The following PDZD2 variants were observed in gnomAD, a reference collection of about 807,000 sequenced individuals.
PDZD2 encodes PDZ domain containing 2.
Under a neutral mutation model 220.7 loss-of-function variants are expected in PDZD2, and 90 were observed. The observed-to-expected ratio is 0.41, with a 90% CI of 0.34 to 0.49. The LOEUF is 0.49. Among genes scored for constraint, PDZD2 ranks in the 20% least tolerant of loss-of-function variants. The probability of loss-of-function intolerance (pLI) is 0.28; values close to 1 mark genes in which losing one functional copy is unlikely to be tolerated. For synonymous variants in PDZD2, 1,375 were observed against 1,450.5 expected, an observed-to-expected ratio of 0.95 and a Z score of 1.18; for missense variants, 3,174 against 3,608.5, an observed-to-expected ratio of 0.88 and a Z score of 3.08.
chr5:32,094,720 A>G lies in PDZD2; in HGVS notation c.7845+1696A>G, dbSNP rs563903938. On this transcript the variant is annotated intron_variant, in intron 21 of 24. Coordinates refer to ENST00000438447, the MANE Select transcript of PDZD2 (RefSeq NM_178140.4). ...CTCAAAAAAAAAAAAAAAAGATTAA[A>G]TTTAAAAAATTAGCCAGGCGTGGTG... is the stretch of plus-strand genomic sequence containing the variant. Among the ~76,000 whole-genome samples, 489 of 152,004 alleles carry G rather than the reference A, an allele frequency of 3.2e-3. 3 individuals carry two copies. Among genetic ancestry groups the G allele is most frequent in the Non-Finnish European group, 4.9e-3 (332 of 67,978 alleles).
intron 1 of PDZD2, among the ~76,000 whole-genome samples, chr5:31,777,294 G>A (rs561692247): frequency 6.0e-4 from 91 of 152,312 alleles, no homozygotes; most frequent in East Asian, 2.5e-3. Context: ...CTGCTGGCCC[G>A]CCCGCACTGT....
chr5:31,746,197 A>C (rs1389716931), intron 1 of PDZD2, among the ~76,000 whole-genome samples: 1 of 152,224 alleles, frequency 6.6e-6, no homozygotes, highest in Non-Finnish European at 1.5e-5. Flanking sequence ...GCCCAGGTTC[A>C]ACCAGGGCAG....
intron 2 of PDZD2, among the ~76,000 whole-genome samples, chr5:31,833,789 T>C (rs1289501867): frequency 2.0e-5 from 3 of 152,252 alleles, no homozygotes; most frequent in Non-Finnish European, 4.4e-5. Context: ...TGAGACAATC[T>C]GGTGACAACC....
Position 31,995,581 on chromosome 5 carries a change from A to G in PDZD2, c.984A>G (p.Glu328=). Residue 328 remains glutamate, a synonymous_variant, in exon 4 of 25, where the codon GAA becomes GAG. Coordinates refer to ENST00000438447, the MANE Select transcript of PDZD2 (RefSeq NM_178140.4). ...FQSSDCLARE[E]VGRIWKMELL... ...TGCTCACTTTTTCTTCCAAGGAGGA[A>G]GTTGGCCGAATATGGAAGATGGAGC... The G allele has an allele frequency of 6.2e-7, 1 of 1,614,044 alleles. No homozygotes were observed. The highest frequency in any genetic ancestry group is 1.7e-5 in the Admixed American group (1 of 60,004).
intron 2 of PDZD2, among the ~76,000 whole-genome samples, chr5:31,925,345 CA>C (rs371684713): frequency 1.3e-5 from 2 of 148,410 alleles, no homozygotes; most frequent in African/African-American, 2.5e-5. Context: ...ACAAAGTTAA[CA>C]AAAAAAAAAT....
intron 1 of PDZD2, among the ~76,000 whole-genome samples, chr5:31,674,424 T>C (rs1364559615): frequency 6.6e-6 from 1 of 152,222 alleles, no homozygotes; most frequent in East Asian, 1.9e-4. Context: ...TTCTCAATGA[T>C]ATTTATTTAG....
intron 2 of PDZD2, among the ~76,000 whole-genome samples, chr5:31,978,727 A>AAAAAAAAAAAC (rs1491015232): frequency 7.0e-6 from 1 of 143,510 alleles, no homozygotes; most frequent in Non-Finnish European, 1.5e-5. Flanking sequence ...AAAAAAAAAA[A>AAAAAAAAAAAC]AGAATTCTAA....
At chr5:31,909,484 T>A (rs1413185206) in intron 2 of PDZD2, among the ~76,000 whole-genome samples, 1 of 152,172 alleles carries the variant, frequency 6.6e-6, no homozygotes, top group Non-Finnish European at 1.5e-5. Context: ...TTGAATTTTC[T>A]ACGCTGATTA....
chr5:31,810,387 C>T (rs59207281), intron 2 of PDZD2, among the ~76,000 whole-genome samples: 6 of 82,720 alleles, frequency 7.3e-5, no homozygotes, highest in South Asian at 4.5e-4. Context: ...CTCAGCCTCC[C>T]GAGTAGCTGG....
intron 2 of PDZD2, among the ~76,000 whole-genome samples, chr5:31,941,912 G>T (rs1746245291): frequency 6.6e-6 from 1 of 152,212 alleles, no homozygotes; most frequent in South Asian, 2.1e-4. Flanking sequence ...TCAAAATGGG[G>T]ATAGAATCTG....
At chr5:32,107,878 T>C in intron 24 of PDZD2, 91 bp from the exon 25 acceptor site, 1 of 720,128 alleles carries the variant, frequency 1.4e-6, no homozygotes, top group Non-Finnish European at 2.3e-6. Flanking sequence ...TATTTAGATA[T>C]TTTTATCACT....
Position 32,053,782 on chromosome 5 carries a change from G to A in PDZD2, c.1799G>A (p.Ser600Asn). ...YKEKGKGLGF[S>N]IAGGRDCIRG... ...CTTCGGATCTAGGGCCTTGGCTTTAGTATTGCTGGAGGTCGAGACTGCATT... is the reference window on the plus strand; with the variant it reads ...CTTCGGATCTAGGGCCTTGGCTTTAATATTGCTGGAGGTCGAGACTGCATT... The change falls in exon 10 of 25, where the codon AGT (serine) becomes AAT (asparagine). Residue 600 changes from serine (S) to asparagine (N), a missense_variant. Coordinates refer to ENST00000438447, the MANE Select transcript of PDZD2 (RefSeq NM_178140.4). The A allele has an allele frequency of 6.2e-7, 1 of 1,608,192 alleles. No homozygotes were observed. The highest frequency in any genetic ancestry group is 8.5e-7 in the Non-Finnish European group (1 of 1,174,600).
chr5:31,960,872 G>T (rs2111694039), intron 2 of PDZD2, among the ~76,000 whole-genome samples: 1 of 151,878 alleles, frequency 6.6e-6, no homozygotes, highest in East Asian at 1.9e-4. Context: ...GTATAATTTT[G>T]TTAACAAATG....
At chr5:31,820,927 T>A (rs1755798438) in intron 2 of PDZD2, among the ~76,000 whole-genome samples, 1 of 152,106 alleles carries the variant, frequency 6.6e-6, no homozygotes. Context: ...ATTTTTTTTT[T>A]TCTATTTTAT....
chr5:31,868,922 G>A (rs1008101377), intron 2 of PDZD2, among the ~76,000 whole-genome samples: 10 of 152,042 alleles, frequency 6.6e-5, no homozygotes, highest in African/African-American at 9.7e-5. Context: ...ACAGGCGTGC[G>A]CCACCACTCC....
At chr5:31,767,181 G>A (rs1173358170) in intron 1 of PDZD2, among the ~76,000 whole-genome samples, 14 of 151,574 alleles carry the variant, frequency 9.2e-5, no homozygotes, top group South Asian at 2.1e-4. Flanking sequence ...ACAGGTGCCC[G>A]CCACCATGCC....
At chr5:32,013,111 G>A (rs1581274610) in intron 6 of PDZD2, among the ~76,000 whole-genome samples, 1 of 151,864 alleles carries the variant, frequency 6.6e-6, no homozygotes, top group Non-Finnish European at 1.5e-5. Context: ...ATATTAACAT[G>A]CTTATGAAAC....
At chr5:31,942,968 C>T (rs180762901) in intron 2 of PDZD2, among the ~76,000 whole-genome samples, 9 of 152,250 alleles carry the variant, frequency 5.9e-5, no homozygotes, top group African/African-American at 1.9e-4. Context: ...TTTGGGAGCC[C>T]AAGGCGGGTG....
Position 32,089,211 on chromosome 5 carries a change from G to C in PDZD2, c.5763G>C (p.Gln1921His), listed in dbSNP as rs1158358863. 5 of 1,614,118 alleles carry C rather than the reference G, an allele frequency of 3.1e-6. No individual in the cohort carries two copies. The highest frequency in any genetic ancestry group is 1.1e-5 in the South Asian group (1 of 91,074). Residue 1921 changes from glutamine to histidine, a missense_variant, in exon 20 of 25, where the codon CAG becomes CAC. Coordinates refer to ENST00000438447, the MANE Select transcript of PDZD2 (RefSeq NM_178140.4). ...ACAGGAAACCCTTGATCTCACCCCA[G>C]ACCTCCCACAAAACACTTTCTAAGG... ...TDHRKPLISP[Q>H]TSHKTLSKAV... is the part of the protein sequence containing the mutation.
Sources: allele counts gnomAD v4.1 joint callset (sites outside exome capture counted in the v4.1 genomes callset), GRCh38; gene constraint gnomAD v4.1.1; transcripts MANE v1.5; gene names NCBI Gene and HGNC (gene_info 2026-07-23, HGNC 2026-07-21).